The following AGBL1 variants were observed in gnomAD, a reference collection of about 807,000 sequenced individuals.
The protein encoded by AGBL1 is AGBL carboxypeptidase 1, also known as cytosolic carboxypeptidase 4.
AGBL1 carries 130 observed loss-of-function variants against 118.9 expected under a neutral mutation model. The observed-to-expected ratio is 1.09, with a 90% CI of 0.95 to 1.26. The LOEUF is 1.26. AGBL1 is among the 50% of genes most tolerant of loss of function. The pLI is 0.00. For synonymous variants in AGBL1, 555 were observed against 478.9 expected (o/e 1.16, Z -2.08); for missense variants, 1,584 against 1,298.1 (o/e 1.22, Z -3.38).
chr15:86,605,967 A>G (rs1281286550), intron 21 of AGBL1, among the ~76,000 whole-genome samples: 2 of 151,908 alleles, frequency 1.3e-5, no homozygotes, highest in African/African-American at 2.4e-5. Context: ...TCTCTACTAA[A>G]AATACAAAAA....
chr15:86,761,355 G>C (rs781161677), intron 22 of AGBL1, among the ~76,000 whole-genome samples: 18 of 152,088 alleles, frequency 1.2e-4, no homozygotes, highest in Non-Finnish European at 2.4e-4. Context: ...GAAAAACCTA[G>C]TGCTAGTGAT....
chr15:87,007,718 T>C (rs1396852247), intron 24 of AGBL1, among the ~76,000 whole-genome samples: 2 of 152,204 alleles, frequency 1.3e-5, no homozygotes, highest in African/African-American at 2.4e-5. Context: ...GTTAGATATG[T>C]AAGTGAATCC....
intron 6 of AGBL1, among the ~76,000 whole-genome samples, chr15:86,226,528 A>T (rs117782126): frequency 6.6e-6 from 1 of 152,202 alleles, no homozygotes; most frequent in African/African-American, 2.4e-5. Context: ...GCATCCTGAT[A>T]TAAATTGTAC....
In AGBL1 at chr15:86,781,184, C is replaced by T. The variant is rs534813860; in HGVS notation, c.3158+106748C>T. ...TCAAGTTCTCTCTGTCATTACCTGACATGTTTAGCCCATGTATGTTACTGA... is the reference window on the plus strand; with the variant it reads ...TCAAGTTCTCTCTGTCATTACCTGATATGTTTAGCCCATGTATGTTACTGA... On this transcript the variant is annotated intron_variant, in intron 22 of 22. Transcript: ENST00000614907. Among the ~76,000 whole-genome samples the T allele has an allele frequency of 8.5e-5, 13 of 152,056 alleles. No individual in the cohort carries two copies. The East Asian group carries it at 2.1e-3, about 25-fold the overall frequency.
chr15:86,641,359 T>C (rs1281876532), intron 21 of AGBL1, among the ~76,000 whole-genome samples: 1 of 152,008 alleles, frequency 6.6e-6, no homozygotes, highest in Non-Finnish European at 1.5e-5. Flanking sequence ...ATGTGCGCTG[T>C]TTAAAGAATA....
intron 17 of AGBL1, among the ~76,000 whole-genome samples, chr15:86,396,806 G>A (rs1339855139): frequency 6.6e-6 from 1 of 152,176 alleles, no homozygotes; most frequent in Non-Finnish European, 1.5e-5. Flanking sequence ...TAGTGTGAAA[G>A]AAATTAATTC....
chr15:86,139,485 T>C (rs1259729434), intron 1 of AGBL1, among the ~76,000 whole-genome samples: 1 of 152,144 alleles, frequency 6.6e-6, no homozygotes, highest in African/African-American at 2.4e-5. Context: ...CTCTGTGCTG[T>C]ATTGAAAAAT....
At chr15:86,903,343 T>C (rs2080237934) in intron 22 of AGBL1, among the ~76,000 whole-genome samples, 1 of 152,182 alleles carries the variant, frequency 6.6e-6, no homozygotes, top group Non-Finnish European at 1.5e-5. Context: ...CTCTCCAGTT[T>C]CCATTTATTC....
intron 18 of AGBL1, among the ~76,000 whole-genome samples, chr15:86,465,983 A>AG (rs1290060932): frequency 2.0e-5 from 3 of 152,182 alleles, no homozygotes; most frequent in Non-Finnish European, 4.4e-5. Flanking sequence ...TTTGTAGCTC[A>AG]GGGGGCATCA....
Position 86,108,914 on chromosome 15 carries a change from G to A in AGBL1, c.51+28891G>A, listed in dbSNP as rs1010553629. On this transcript the variant is annotated intron_variant, in intron 1 of 22. Transcript: ENST00000614907. Reference sequence around the variant, plus strand: ...GGAGGTTGCAGTGAGCCAAGATCGCGCCACTGCTCTCCAACCTGGGCAACA... The same window carrying A: ...GGAGGTTGCAGTGAGCCAAGATCGCACCACTGCTCTCCAACCTGGGCAACA... 9.2e-5 allele frequency among the ~76,000 whole-genome samples: 14 copies of A among 152,120 alleles called. No homozygotes were observed. In the East Asian group the frequency reaches 1.2e-3, roughly 13 times the overall value.
At chr15:86,105,850 G>A (rs1349641693) in intron 1 of AGBL1, among the ~76,000 whole-genome samples, 1 of 152,180 alleles carries the variant, frequency 6.6e-6, no homozygotes, top group Non-Finnish European at 1.5e-5. Flanking sequence ...ATTTAACAAG[G>A]TCTGTGAAAC....
chr15:86,235,118 A>G (rs928851422), intron 6 of AGBL1, among the ~76,000 whole-genome samples: 2 of 152,184 alleles, frequency 1.3e-5, no homozygotes, highest in African/African-American at 2.4e-5. Flanking sequence ...ACTTCATGAA[A>G]ACGGGCTGTG....
intron 22 of AGBL1, among the ~76,000 whole-genome samples, chr15:86,825,769 G>C (rs1016770731): frequency 2.6e-5 from 4 of 151,718 alleles, no homozygotes; most frequent in Non-Finnish European, 4.4e-5. Context: ...CCAATAATGG[G>C]ATACCTATCA....
At chr15:86,238,276 T>C (rs995705680) in intron 6 of AGBL1, among the ~76,000 whole-genome samples, 2 of 152,234 alleles carry the variant, frequency 1.3e-5, no homozygotes, top group African/African-American at 4.8e-5. Flanking sequence ...CTCTATTTCA[T>C]TTTCTGCTGC....
intron 22 of AGBL1, among the ~76,000 whole-genome samples, chr15:86,780,816 T>C (rs2078326132): frequency 1.3e-5 from 2 of 152,008 alleles, no homozygotes; most frequent in South Asian, 4.2e-4. Flanking sequence ...TACAGGCATG[T>C]GCCACCACAC....
intron 21 of AGBL1, among the ~76,000 whole-genome samples, chr15:86,664,035 G>A (rs192122024): frequency 2.0e-5 from 3 of 152,120 alleles, no homozygotes; most frequent in African/African-American, 7.2e-5. Context: ...CCCAAAGGAA[G>A]GTCCAGCATA....
intron 22 of AGBL1, among the ~76,000 whole-genome samples, chr15:86,729,728 A>G (rs1596414001): frequency 1.3e-5 from 2 of 152,308 alleles, no homozygotes; most frequent in African/African-American, 2.4e-5. Context: ...CAGTGCTGCA[A>G]TGAACATATG....
intron 17 of AGBL1, among the ~76,000 whole-genome samples, chr15:86,385,780 C>T (rs958099509): frequency 6.6e-6 from 1 of 152,154 alleles, no homozygotes; most frequent in Non-Finnish European, 1.5e-5. Context: ...TGGGCGACCA[C>T]TATCCAGTCC....
At chr15:86,624,450 A>G (rs949594068) in intron 21 of AGBL1, among the ~76,000 whole-genome samples, 1 of 152,198 alleles carries the variant, frequency 6.6e-6, no homozygotes, top group African/African-American at 2.4e-5. Flanking sequence ...GGAATGGAAG[A>G]CATATCCTCT....
Sources: gnomAD v4.1 joint callset for allele counts (sites outside exome capture counted in the v4.1 genomes callset) on GRCh38, gnomAD v4.1.1 for gene constraint, MANE v1.5 for transcripts, NCBI Gene and HGNC (gene_info 2026-07-23, HGNC 2026-07-21) for gene names.